The following HIPK2 variants were observed in gnomAD, a reference collection of about 807,000 sequenced individuals.
HIPK2 encodes homeodomain-interacting protein kinase 2.
Under a neutral mutation model 113.7 loss-of-function variants are expected in HIPK2, and 27 were observed. The ratio of observed to expected loss-of-function variants is 0.24; its 90% CI spans 0.17 to 0.33. HIPK2 has a LOEUF of 0.33. Ranked by LOEUF, HIPK2 falls within the 10% of genes least tolerant of loss-of-function variation. HIPK2 has a pLI of 1.00. For missense variants in HIPK2, 1,257 were observed against 1,588.0 expected (o/e 0.79, Z 3.54); for synonymous variants, 631 against 642.2 (o/e 0.98, Z 0.26).
intron 2 of HIPK2, among the ~76,000 whole-genome samples, chr7:139,666,755 A>T (rs1802061399): frequency 6.6e-6 from 1 of 152,212 alleles, no homozygotes; most frequent in African/African-American, 2.4e-5. Context: ...ACATGAAGAA[A>T]ACAAAATTTA....
intron 2 of HIPK2, among the ~76,000 whole-genome samples, chr7:139,697,245 C>T (rs1172434299): frequency 2.0e-5 from 3 of 152,204 alleles, no homozygotes; most frequent in Non-Finnish European, 2.9e-5. Flanking sequence ...ATCAGGGCAA[C>T]GCCGAGCTCT....
intron 1 of HIPK2, chr7:139,777,251 G>T (rs1245014954): frequency 1.3e-5 from 2 of 152,456 alleles, no homozygotes; most frequent in East Asian, 3.9e-4. Context: ...GGTAATGTGG[G>T]GGGGCGGTGG....
intron 2 of HIPK2, among the ~76,000 whole-genome samples, chr7:139,650,239 AC>A (rs1481854060): frequency 6.6e-6 from 1 of 151,454 alleles, no homozygotes; most frequent in Non-Finnish European, 1.5e-5. Context: ...AATCTCAGCT[AC>A]TTAGGAAGCT....
At chr7:139,706,129 TC>T (rs1487962458) in intron 2 of HIPK2, among the ~76,000 whole-genome samples, 1 of 152,242 alleles carries the variant, frequency 6.6e-6, no homozygotes, top group Non-Finnish European at 1.5e-5. Context: ...CTTCTCATTT[TC>T]TGCGAAGGTA....
chr7:139,643,583 T>C (rs1263869867), intron 2 of HIPK2, among the ~76,000 whole-genome samples: 1 of 152,220 alleles, frequency 6.6e-6, no homozygotes, highest in Non-Finnish European at 1.5e-5. Flanking sequence ...AGTTCTCAGA[T>C]GTCCAGAGCA....
chr7:139,585,420 C>T (rs1049944176), intron 12 of HIPK2, among the ~76,000 whole-genome samples: 6 of 152,258 alleles, frequency 3.9e-5, no homozygotes, highest in Non-Finnish European at 7.3e-5. Flanking sequence ...TGCTCCCCAA[C>T]GCCCAGCGCT....
At chr7:139,702,638 G>C (rs972659510) in intron 2 of HIPK2, among the ~76,000 whole-genome samples, 7 of 152,266 alleles carry the variant, frequency 4.6e-5, no homozygotes, top group African/African-American at 1.4e-4. Context: ...TTGAGATAAC[G>C]ATTACAGGGA....
At chr7:139,672,656 C>T (rs1466741233) in intron 2 of HIPK2, among the ~76,000 whole-genome samples, 1 of 152,126 alleles carries the variant, frequency 6.6e-6, no homozygotes, top group South Asian at 2.1e-4. Context: ...GATGGGGTTT[C>T]GCCATGTTGG....
At chr7:139,659,440 C>T (rs1801789306) in intron 2 of HIPK2, among the ~76,000 whole-genome samples, 1 of 140,086 alleles carries the variant, frequency 7.1e-6, no homozygotes, top group Admixed American at 7.0e-5. Flanking sequence ...GGCCCTGAGC[C>T]GCGGGGTCAG....
chr7:139,638,656 C>CTTTTTTTT lies in HIPK2; in HGVS notation c.1104-6939_1104-6932dup, dbSNP rs1184555180. Among the ~76,000 whole-genome samples the CTTTTTTTT allele has an allele frequency of 8.4e-5, 11 of 130,260 alleles. 1 individual carries two copies. Among genetic ancestry groups the CTTTTTTTT allele is most frequent in the African/African-American group, 3.3e-4 (11 of 32,880 alleles). 85.5% of individuals were successfully genotyped at this position (130,260 alleles called of 152,430 possible). A position where few individuals can be genotyped will look rare whatever the true frequency, so the allele number is the denominator to read the frequency against. The stretch of plus-strand genomic sequence containing the variant: ...CTGGAGAAAGAGAGTAAATAATTGT[C>CTTTTTTTT]TTTTTTTTTTTTTTTTTTTGAGACA... On this transcript the variant is annotated intron_variant, in intron 2 of 14. Coordinates refer to ENST00000406875, the MANE Select transcript of HIPK2 (RefSeq NM_022740.5).
chr7:139,591,105 C>T (rs1256434774), intron 12 of HIPK2, among the ~76,000 whole-genome samples: 1 of 152,194 alleles, frequency 6.6e-6, no homozygotes, highest in Non-Finnish European at 1.5e-5. Flanking sequence ...CCTTGGCCTC[C>T]CCAAGTGCTG....
chr7:139,736,494 G>A lies in HIPK2; in HGVS notation c.20-19479C>T, dbSNP rs146912489. On this transcript the variant is annotated intron_variant, in intron 1 of 14. Coordinates refer to ENST00000406875, the MANE Select transcript of HIPK2 (RefSeq NM_022740.5). ...TGAGGGAACTCCCACAGCAGGACGC[G>A]GAGAGCACACCCTCCTGGCACAGAT... Among the ~76,000 whole-genome samples the A allele has an allele frequency of 2.4e-3, 371 of 152,270 alleles. 2 individuals carry two copies. The highest frequency in any genetic ancestry group is 8.5e-3 in the African/African-American group (352 of 41,556).
intron 1 of HIPK2, among the ~76,000 whole-genome samples, chr7:139,727,445 T>C (rs192773907): frequency 6.6e-6 from 1 of 152,316 alleles, no homozygotes; most frequent in East Asian, 1.9e-4. Context: ...CTTAAGAACG[T>C]TCAAAATCTT....
At chr7:139,749,861 A>G (rs1796252562) in intron 1 of HIPK2, among the ~76,000 whole-genome samples, 1 of 152,246 alleles carries the variant, frequency 6.6e-6, no homozygotes, top group African/African-American at 2.4e-5. Flanking sequence ...TCACAAGGAC[A>G]GAAGATCATC....
intron 1 of HIPK2, among the ~76,000 whole-genome samples, chr7:139,737,157 A>G (rs1487748192): frequency 6.6e-6 from 1 of 152,180 alleles, no homozygotes; most frequent in Non-Finnish European, 1.5e-5. Context: ...CATGGCTCAT[A>G]TAGTATTCCT....
chr7:139,682,249 C>T (rs1386705992), intron 2 of HIPK2, among the ~76,000 whole-genome samples: 1 of 152,204 alleles, frequency 6.6e-6, no homozygotes, highest in Non-Finnish European at 1.5e-5. Context: ...CCACCACATG[C>T]CCTCACTCAC....
intron 7 of HIPK2, among the ~76,000 whole-genome samples, chr7:139,614,770 T>C (rs1799974671): frequency 6.6e-6 from 1 of 152,246 alleles, no homozygotes; most frequent in Non-Finnish European, 1.5e-5. Flanking sequence ...GACACACGGA[T>C]GCCTGCTACC....
intron 1 of HIPK2, among the ~76,000 whole-genome samples, chr7:139,763,127 C>CA (rs1453527950): frequency 6.6e-6 from 1 of 152,112 alleles, no homozygotes; most frequent in Non-Finnish European, 1.5e-5. Context: ...TGAAAGAGGC[C>CA]AGGATGGGGC....
chr7:139,671,458 G>A (rs1802294628), intron 2 of HIPK2, among the ~76,000 whole-genome samples: 1 of 152,186 alleles, frequency 6.6e-6, no homozygotes, highest in Non-Finnish European at 1.5e-5. Context: ...AAACACTGCT[G>A]AATGTAGATC....
Sources: allele counts gnomAD v4.1 joint callset (sites outside exome capture counted in the v4.1 genomes callset), GRCh38; gene constraint gnomAD v4.1.1; transcripts MANE v1.5; gene names NCBI Gene and HGNC (gene_info 2026-07-23, HGNC 2026-07-21).